MARCHF1: variants seen among roughly 807,000 people sequenced by gnomAD.
The protein encoded by MARCHF1 is membrane associated ring-CH-type finger 1, also known as E3 ubiquitin-protein ligase MARCHF1.
In MARCHF1, 40 loss-of-function variants were observed where a neutral mutation model predicts 54.2. The ratio of observed to expected loss-of-function variants is 0.74; its 90% CI spans 0.57 to 0.96. The LOEUF (loss-of-function observed/expected upper bound fraction) is 0.96, where lower values mean the gene tolerates loss of function less well. Ranked by LOEUF, MARCHF1 falls within the 40% of genes least tolerant of loss-of-function variation. MARCHF1 has a pLI of 0.00. For missense variants in MARCHF1, 586 were observed against 656.5 expected, an observed-to-expected ratio of 0.89 and a Z score of 1.17; for synonymous variants, 236 against 236.3, an observed-to-expected ratio of 1.00 and a Z score of 0.01.
chr4:164,007,364 A>G (rs1482019186), intron 2 of MARCHF1, among the ~76,000 whole-genome samples: 31 of 121,488 alleles, frequency 2.6e-4, no homozygotes, highest in South Asian at 5.6e-4. Flanking sequence ...AAAAAAAAAA[A>G]AAAAAAAGAA....
Position 163,576,837 on chromosome 4 carries a change from T to C in MARCHF1, c.1191+8912A>G, listed in dbSNP as rs559088753. Among the ~76,000 whole-genome samples, 16 of 151,970 alleles carry C rather than the reference T, an allele frequency of 1.1e-4. No individual in the cohort carries two copies. In the South Asian group the frequency reaches 2.5e-3, roughly 24 times the overall value. On this transcript the variant is annotated intron_variant, in intron 8 of 9. Transcript: ENST00000514618. ...CATTTTTACTGTTTTTTTTTAACTA[T>C]TGGTTTAAAGTCTGTTTTATCTGAT... is the stretch of plus-strand genomic sequence containing the variant.
chr4:164,003,230 C>A (rs1181511126), intron 2 of MARCHF1, among the ~76,000 whole-genome samples: 1 of 151,076 alleles, frequency 6.6e-6, no homozygotes, highest in Non-Finnish European at 1.5e-5. Context: ...GATGGCAATA[C>A]AATTAAATTC....
At chr4:164,307,297 C>A (rs575368599) in intron 1 of MARCHF1, among the ~76,000 whole-genome samples, 2 of 152,182 alleles carry the variant, frequency 1.3e-5, no homozygotes, top group African/African-American at 2.4e-5. Flanking sequence ...CTTCTTACAG[C>A]CTAGCATAGT....
intron 2 of MARCHF1, among the ~76,000 whole-genome samples, chr4:164,052,095 T>C (rs1238595655): frequency 1.3e-5 from 2 of 151,798 alleles, no homozygotes; most frequent in Non-Finnish European, 2.9e-5. Flanking sequence ...GTACCAACAT[T>C]CCAAGACAAT....
chr4:164,140,545 G>C (rs79586696), intron 1 of MARCHF1, among the ~76,000 whole-genome samples: 1,619 of 152,072 alleles, frequency 0.011, 25 homozygotes, highest in African/African-American at 0.037. Context: ...ACTAATTCCT[G>C]TTTCTCTGCA....
intron 2 of MARCHF1, among the ~76,000 whole-genome samples, chr4:164,070,339 CA>C (rs1754836310): frequency 6.6e-6 from 1 of 152,042 alleles, no homozygotes; most frequent in Admixed American, 6.5e-5. Flanking sequence ...AAGTACCCTG[CA>C]AAAGTTGTGC....
intron 2 of MARCHF1, among the ~76,000 whole-genome samples, chr4:163,999,659 T>C (rs1753147760): frequency 6.6e-6 from 1 of 151,582 alleles, no homozygotes; most frequent in African/African-American, 2.4e-5. Flanking sequence ...AAATTTGAAT[T>C]ATTGTATTGA....
intron 4 of MARCHF1, among the ~76,000 whole-genome samples, chr4:163,714,191 T>C (rs560411153): frequency 6.6e-6 from 1 of 152,346 alleles, no homozygotes; most frequent in African/African-American, 2.4e-5. Flanking sequence ...TTATAAGGAT[T>C]GGCTTGAAAA....
intron 5 of MARCHF1, among the ~76,000 whole-genome samples, chr4:163,626,469 G>T (rs1208307903): frequency 6.6e-6 from 1 of 152,084 alleles, no homozygotes; most frequent in African/African-American, 2.4e-5. Context: ...TTTACAAATG[G>T]TTTCTCTTAT....
chr4:164,085,079 C>T (rs184797983), intron 2 of MARCHF1, among the ~76,000 whole-genome samples: 6 of 151,868 alleles, frequency 4.0e-5, no homozygotes, highest in Non-Finnish European at 7.4e-5. Flanking sequence ...GTTTTCTCTC[C>T]ACTTCCTCTT....
At chr4:163,984,062 A>G (rs1752815032) in intron 3 of MARCHF1, among the ~76,000 whole-genome samples, 1 of 152,038 alleles carries the variant, frequency 6.6e-6, no homozygotes, top group African/African-American at 2.4e-5. Context: ...AAAAATATAT[A>G]TCACAAAAAG....
At chr4:164,240,474 C>G (rs914978295) in intron 1 of MARCHF1, among the ~76,000 whole-genome samples, 3 of 152,102 alleles carry the variant, frequency 2.0e-5, no homozygotes, top group African/African-American at 7.2e-5. Flanking sequence ...GACCTCTGCT[C>G]CCAGATTGTT....
At chr4:163,735,489 A>G (rs1746008728) in intron 4 of MARCHF1, among the ~76,000 whole-genome samples, 2 of 152,190 alleles carry the variant, frequency 1.3e-5, no homozygotes, top group Non-Finnish European at 2.9e-5. Flanking sequence ...AGACTAGGTA[A>G]TTCATAAAGA....
intron 5 of MARCHF1, among the ~76,000 whole-genome samples, chr4:163,667,448 A>G (rs1743581814): frequency 6.6e-6 from 1 of 152,192 alleles, no homozygotes; most frequent in Admixed American, 6.5e-5. Context: ...CAGATTGAAC[A>G]TGTGAGTCAT....
At chr4:164,317,530 C>A (rs1215608639) in intron 1 of MARCHF1, among the ~76,000 whole-genome samples, 1 of 152,042 alleles carries the variant, frequency 6.6e-6, no homozygotes, top group South Asian at 2.1e-4. Flanking sequence ...GGAGACTAGC[C>A]CCCTTTTCAA....
chr4:163,598,909 C>T (rs779506057), intron 7 of MARCHF1, among the ~76,000 whole-genome samples: 2 of 152,216 alleles, frequency 1.3e-5, no homozygotes, highest in South Asian at 4.1e-4. Flanking sequence ...ACTCTTTTGT[C>T]GTAACAGCTT....
chr4:163,562,495 A>G (rs1048058976), intron 8 of MARCHF1, among the ~76,000 whole-genome samples: 1 of 152,094 alleles, frequency 6.6e-6, no homozygotes, highest in South Asian at 2.1e-4. Context: ...CACCTCTCTG[A>G]TGGCTGCTGC....
At chr4:163,702,624 G>C (rs1274885175) in intron 4 of MARCHF1, among the ~76,000 whole-genome samples, 1 of 152,070 alleles carries the variant, frequency 6.6e-6, no homozygotes, top group African/African-American at 2.4e-5. Context: ...AAACAAGAAA[G>C]GCCAGATTCA....
intron 1 of MARCHF1, among the ~76,000 whole-genome samples, chr4:164,373,513 C>T (rs1731099288): frequency 6.6e-6 from 1 of 151,788 alleles, no homozygotes; most frequent in Non-Finnish European, 1.5e-5. Flanking sequence ...AGCCACCATG[C>T]CCAGCTAATT....
Sources: allele counts gnomAD v4.1 joint callset (sites outside exome capture counted in the v4.1 genomes callset), GRCh38; gene constraint gnomAD v4.1.1; transcripts MANE v1.5; gene names NCBI Gene and HGNC (gene_info 2026-07-23, HGNC 2026-07-21).